Variants in SIN3A observed in about 807,000 individuals in gnomAD.
SIN3A encodes the protein paired amphipathic helix protein Sin3a.
In SIN3A, 14 loss-of-function variants were observed where a neutral mutation model predicts 146.1. The observed-to-expected ratio is 0.10, with a 90% CI of 0.06 to 0.15. The LOEUF (loss-of-function observed/expected upper bound fraction) is 0.15, where lower values mean the gene tolerates loss of function less well. Ranked by LOEUF, SIN3A falls within the 10% of genes least tolerant of loss-of-function variation. SIN3A has a pLI of 1.00. For synonymous variants in SIN3A, 572 were observed against 572.0 expected, an observed-to-expected ratio of 1.00 and a Z score of 0.00; for missense variants, 1,028 against 1,576.0, an observed-to-expected ratio of 0.65 and a Z score of 5.89.
At chr15:75,378,171 A>G (rs74391430) in intron 19 of SIN3A, among the ~76,000 whole-genome samples, 26,520 of 152,252 alleles carry the variant, frequency 0.17, 3,100 homozygotes, top group Non-Finnish European at 0.26. Context: ...TCATAGAGGA[A>G]AAAAAGATTC....
chr15:75,428,312 G>A (rs892836362), intron 2 of SIN3A, among the ~76,000 whole-genome samples: 4 of 152,000 alleles, frequency 2.6e-5, no homozygotes, highest in Admixed American at 6.6e-5. Context: ...AATAACACGG[G>A]TTTTTGTTTT....
chr15:75,414,926 GA>G (rs2073705655), intron 3 of SIN3A, among the ~76,000 whole-genome samples: 1 of 152,278 alleles, frequency 6.6e-6, no homozygotes, highest in East Asian at 1.9e-4. Flanking sequence ...TTAGAAATCT[GA>G]AAACAGTTTA....
Position 75,389,677 on chromosome 15 carries a change from T to C in SIN3A, c.2996A>G (p.Lys999Arg). ...IHAYIAFTMD[K>R]LIQSIVRQLQ... The stretch of plus-strand genomic sequence containing the variant: ...CTGTCTGACAATGCTCTGGATCAGT[T>C]TGTCCATGGTAAAGGCAATGTAGGC... The change falls in exon 16 of 21, where the codon AAA (lysine) becomes AGA (arginine). Residue 999 changes from lysine to arginine, a missense_variant. Physicochemically the swap from Lys to Arg is conservative, Grantham distance 26. Transcript: ENST00000394947. The C allele has an allele frequency of 6.2e-7, 1 of 1,614,166 alleles. No homozygotes were observed. Among genetic ancestry groups the C allele is most frequent in the Non-Finnish European group, 8.5e-7 (1 of 1,180,012 alleles).
chr15:75,396,787 C>T (rs547177327), intron 12 of SIN3A, among the ~76,000 whole-genome samples: 1 of 152,250 alleles, frequency 6.6e-6, no homozygotes, highest in South Asian at 2.1e-4. Flanking sequence ...TTACCACCAC[C>T]GTCGCTGCTG....
At chr15:75,408,624 C>T (rs1427799741) in intron 8 of SIN3A, among the ~76,000 whole-genome samples, 1 of 152,212 alleles carries the variant, frequency 6.6e-6, no homozygotes, top group Non-Finnish European at 1.5e-5. Context: ...TTTCTGCAGG[C>T]AGACCATCAG....
upstream of SIN3A, among the ~76,000 whole-genome samples, chr15:75,454,683 G>GCGCCCC (rs925531170): frequency 6.0e-5 from 9 of 149,036 alleles, no homozygotes; most frequent in South Asian, 6.3e-4. Context: ...GCACACGCCC[G>GCGCCCC]CGCCCCCGCC....
At chr15:75,436,039 A>T (rs2074101824) in intron 1 of SIN3A, among the ~76,000 whole-genome samples, 1 of 151,854 alleles carries the variant, frequency 6.6e-6, no homozygotes. Flanking sequence ...AAGTGGAAGG[A>T]TCTCTTGACC....
chr15:75,392,842 T>C (rs1351781115), intron 14 of SIN3A, 27 bp from the exon 15 acceptor site: 2 of 1,517,298 alleles, frequency 1.3e-6, no homozygotes, highest in East Asian at 4.5e-5. Flanking sequence ...ACAAAAGTAT[T>C]CTGTGAGATG....
chr15:75,400,812 T>C lies in SIN3A; in HGVS notation c.1655A>G (p.Lys552Arg). The change falls in exon 11 of 21, where the codon AAA (lysine) becomes AGA (arginine). Residue 552 changes from lysine to arginine, a missense_variant. Lys to Arg is a conservative substitution (Grantham distance 26). Transcript: ENST00000394947. ...GGCTCGATAGCTGGAGCCCAATCGT[T>C]TACAAGAAGCATAATCTATCTCCAT... is the stretch of plus-strand genomic sequence containing the variant. ...IAMEIDYASC[K>R]RLGSSYRALP... The C allele has an allele frequency of 6.2e-7, 1 of 1,614,136 alleles. No homozygotes were observed. The highest frequency in any genetic ancestry group is 8.5e-7 in the Non-Finnish European group (1 of 1,180,040).
chr15:75,399,923 C>T (rs1036962735), intron 12 of SIN3A, 117 bp downstream of exon 12: 3 of 687,108 alleles, frequency 4.4e-6, no homozygotes, highest in East Asian at 4.9e-5. Flanking sequence ...AAGCACTTAC[C>T]ATAGAAGAAT....
chr15:75,383,501 G>A (rs1326835220), intron 17 of SIN3A, among the ~76,000 whole-genome samples: 2 of 151,146 alleles, frequency 1.3e-5, no homozygotes, highest in African/African-American at 4.9e-5. Context: ...AGGCCTCACT[G>A]CAGCCTCGAC....
At chr15:75,394,090 G>A (rs1319621046) in intron 14 of SIN3A, among the ~76,000 whole-genome samples, 1 of 152,304 alleles carries the variant, frequency 6.6e-6, no homozygotes, top group Middle Eastern at 3.4e-3. Flanking sequence ...TTACAGGCAT[G>A]AGCCACTGTG....
intron 1 of SIN3A, among the ~76,000 whole-genome samples, chr15:75,439,566 C>T (rs2074165148): frequency 1.3e-5 from 2 of 151,576 alleles, no homozygotes; most frequent in South Asian, 2.1e-4. Flanking sequence ...AGGATGGTCT[C>T]GATCTCCTGA....
chr15:75,441,166 C>T (rs2074203419), intron 1 of SIN3A, among the ~76,000 whole-genome samples: 1 of 151,722 alleles, frequency 6.6e-6, no homozygotes, highest in East Asian at 1.9e-4. Context: ...AAAAATTAGC[C>T]GGGCATGGTG....
chr15:75,438,063 C>T (rs112698248), intron 1 of SIN3A, among the ~76,000 whole-genome samples: 12 of 152,188 alleles, frequency 7.9e-5, no homozygotes, highest in African/African-American at 2.4e-4. Context: ...AGTCACCTGG[C>T]CATGTGTTAT....
chr15:75,442,435 G>A (rs2141616122), intron 1 of SIN3A, among the ~76,000 whole-genome samples: 2 of 151,062 alleles, frequency 1.3e-5, no homozygotes, highest in East Asian at 2.0e-4. Flanking sequence ...AGCCTCCCAA[G>A]AAGGTGGGAT....
At chr15:75,383,093 T>C (rs1197360323) in intron 17 of SIN3A, among the ~76,000 whole-genome samples, 5 of 146,866 alleles carry the variant, frequency 3.4e-5, no homozygotes, top group African/African-American at 1.0e-4. Flanking sequence ...ACAACAAGAG[T>C]GAGCCTCCAT....
intron 2 of SIN3A, 151 bp downstream of exon 2, chr15:75,430,036 T>G (rs1366111200): frequency 1.6e-6 from 1 of 633,470 alleles, no homozygotes; most frequent in African/African-American, 1.9e-5. Context: ...TTTTAAAAAC[T>G]TGTATGGTGA....
chr15:75,377,716 G>A (rs1283234656), intron 19 of SIN3A, among the ~76,000 whole-genome samples: 8 of 151,974 alleles, frequency 5.3e-5, no homozygotes, highest in African/African-American at 1.9e-4. Flanking sequence ...TTAACATGCT[G>A]TGTGATAAAA....
Sources: allele counts gnomAD v4.1 joint callset (sites outside exome capture counted in the v4.1 genomes callset), GRCh38; gene constraint gnomAD v4.1.1; transcripts MANE v1.5; gene names NCBI Gene and HGNC (gene_info 2026-07-23, HGNC 2026-07-21).